CEACAM18: variants seen among roughly 807,000 people sequenced by gnomAD.
CEACAM18 encodes CEA cell adhesion molecule 18.
CEACAM18 carries 33 observed loss-of-function variants against 34.3 expected under a neutral mutation model. That is an observed-to-expected ratio of 0.96 (90% CI 0.73 to 1.29). The LOEUF is 1.29. Ranked by LOEUF, CEACAM18 falls within the 50% of genes most tolerant of loss-of-function variation. CEACAM18 has a pLI of 0.00. For missense variants in CEACAM18, 474 were observed against 485.0 expected (o/e 0.98, Z 0.21); for synonymous variants, 169 against 180.9 (o/e 0.93, Z 0.53).
intron 2 of CEACAM18, 69 bp downstream of exon 2, chr19:51,480,749 CATT>C: frequency 7.2e-7 from 1 of 1,391,858 alleles, no homozygotes; most frequent in East Asian, 2.3e-5. Context: ...GAGAGAAGGA[CATT>C]ATACAGAGCA....
chr19:51,489,081 T>C (rs2122194785), intron 5 of CEACAM18, among the ~76,000 whole-genome samples: 1 of 151,212 alleles, frequency 6.6e-6, no homozygotes, highest in African/African-American at 2.4e-5. Context: ...CAGGGGTTTC[T>C]ATCCTTGTGT....
chr19:51,491,182 A>T (rs1035383894), downstream of CEACAM18, among the ~76,000 whole-genome samples: 2 of 151,500 alleles, frequency 1.3e-5, no homozygotes, highest in Non-Finnish European at 2.9e-5. Context: ...CGTCAGCATG[A>T]TTAGCACATC....
intron 4 of CEACAM18, among the ~76,000 whole-genome samples, chr19:51,484,055 G>T (rs141566245): frequency 6.6e-6 from 1 of 152,136 alleles, no homozygotes; most frequent in Non-Finnish European, 1.5e-5. Flanking sequence ...CAGCTCCATC[G>T]TTCCGAGACT....
At chr19:51,489,594 A>T (rs1990057008) in intron 5 of CEACAM18, among the ~76,000 whole-genome samples, 1 of 152,132 alleles carries the variant, frequency 6.6e-6, no homozygotes, top group African/African-American at 2.4e-5. Context: ...TTAGATATTG[A>T]GCCTATTTAT....
chr19:51,482,574 AG>A (rs2122184288), intron 3 of CEACAM18, among the ~76,000 whole-genome samples: 1 of 152,334 alleles, frequency 6.6e-6, no homozygotes, highest in East Asian at 1.9e-4. Flanking sequence ...AGTTGCTCCC[AG>A]GCCCTGAGAC....
rs8109028 is a variant in CEACAM18, at chr19:51,481,712, G to A, written c.673+47G>A. 1.3e-3 allele frequency: 2,099 copies of A among 1,566,176 alleles called. 25 individuals carry two copies. The African/African-American group carries it at 0.024, about 18-fold the overall frequency. The stretch of plus-strand genomic sequence containing the variant: ...GACTGAAGCCAGGGCTGGTCTCAGG[G>A]CTTTCTAGGGATAGGAATATGTTAG... On this transcript the variant is annotated intron_variant, in intron 3 of 5. Transcript: ENST00000396477.
exon 1 of CEACAM18, chr19:51,478,633 C>T (rs1989851638): frequency 6.4e-7 from 1 of 1,570,414 alleles, no homozygotes; most frequent in Admixed American, 1.8e-5. Context: ...TGGAGGACCC[C>T]AGGCAGCTCA....
rs754306375 is a variant in CEACAM18 at position 51,478,702 on chromosome 19, A to G, written c.52+8A>G. On this transcript the variant is annotated splice_region_variant and intron_variant, in intron 1 of 5. Coordinates refer to ENST00000396477, the Ensembl canonical transcript of CEACAM18. ...GGAGGGTCTTCCTCATGGGTAAGAG[A>G]TGCTGGATGCTGGATGAGCTTCCCA... 9.8e-6 allele frequency: 14 copies of G among 1,432,788 alleles called. No individual in the cohort carries two copies. In the South Asian group the frequency reaches 2.0e-4, roughly 21 times the overall value. 88.8% of individuals were successfully genotyped at this position (1,432,788 alleles called of 1,614,324 possible). A position where few individuals can be genotyped will look rare whatever the true frequency, so the allele number is the denominator to read the frequency against.
chr19:51,485,086 T>C, exon 5 of CEACAM18: 1 of 1,533,492 alleles, frequency 6.5e-7, no homozygotes, highest in East Asian at 2.4e-5. Context: ...ATCTGTGGAG[T>C]CCTGATCCAT....
chr19:51,484,865 G>A, intron 4 of CEACAM18, 122 bp from the exon 5 acceptor site: 2 of 1,233,250 alleles, frequency 1.6e-6, no homozygotes, highest in South Asian at 2.7e-5. Flanking sequence ...CTGGAACAGT[G>A]CTTTGCTGAT....
intron 4 of CEACAM18, 84 bp downstream of exon 4, chr19:51,483,380 C>G: frequency 6.7e-7 from 1 of 1,497,850 alleles, no homozygotes; most frequent in Non-Finnish European, 9.2e-7. Context: ...CTCAGGAGTG[C>G]CACCTCCACT....
intron 3 of CEACAM18, among the ~76,000 whole-genome samples, chr19:51,482,170 T>C (rs565640986): frequency 2.6e-5 from 3 of 114,074 alleles, no homozygotes; most frequent in East Asian, 2.6e-4. Flanking sequence ...CATACATTCT[T>C]TTTTTTTTAT....
intron 5 of CEACAM18, among the ~76,000 whole-genome samples, chr19:51,485,964 T>C (rs1260207283): frequency 1.3e-5 from 2 of 151,838 alleles, no homozygotes; most frequent in Non-Finnish European, 2.9e-5. Context: ...GTCAGTGGAG[T>C]AGATGTTAGA....
At chr19:51,488,721 C>A (rs1055172453) in intron 5 of CEACAM18, among the ~76,000 whole-genome samples, 1 of 152,148 alleles carries the variant, frequency 6.6e-6, no homozygotes, top group Admixed American at 6.5e-5. Context: ...ACAAGGGCTG[C>A]AGAAGGTGCC....
At position 51,478,969 on chromosome 19, in the gene CEACAM18, C is replaced by T. The variant is rs570259922; in HGVS notation, c.52+275C>T. 1.9e-3 allele frequency among the ~76,000 whole-genome samples: 295 copies of T among 151,972 alleles called. 1 individual carries two copies. Among genetic ancestry groups the T allele is most frequent in the African/African-American group, 6.6e-3 (274 of 41,430 alleles). The stretch of plus-strand genomic sequence containing the variant: ...ACACGCACATGCACACACACACACG[C>T]GCGCACACACAGAGAGAGAGAGAGA... On this transcript the variant is annotated intron_variant, in intron 1 of 5. Transcript: ENST00000396477.
chr19:51,484,574 G>A (rs187846534), intron 4 of CEACAM18, among the ~76,000 whole-genome samples: 55 of 152,308 alleles, frequency 3.6e-4, no homozygotes, highest in Non-Finnish European at 5.9e-5. Flanking sequence ...CACCTTGGGC[G>A]AGCTTTCTGT....
intron 3 of CEACAM18, among the ~76,000 whole-genome samples, chr19:51,482,776 CT>C (rs1483639861): frequency 6.6e-6 from 1 of 152,244 alleles, no homozygotes; most frequent in African/African-American, 2.4e-5. Flanking sequence ...CATGTGTTGG[CT>C]TTTACTCCAC....
chr19:51,483,249 G>C, exon 4 of CEACAM18: 1 of 1,614,018 alleles, frequency 6.2e-7, no homozygotes, highest in Non-Finnish European at 8.5e-7. Context: ...AGAACCCCGT[G>C]ACACAGCTGA....
intron 4 of CEACAM18, 189 bp downstream of exon 4, chr19:51,483,485 C>A (rs946888216): frequency 3.0e-6 from 2 of 665,660 alleles, no homozygotes; most frequent in Non-Finnish European, 5.1e-6. Flanking sequence ...CTGGAGTCCT[C>A]AGATCAGAGT....
Sources: allele counts gnomAD v4.1 joint callset (sites outside exome capture counted in the v4.1 genomes callset), GRCh38; gene constraint gnomAD v4.1.1; transcripts MANE v1.5; gene names NCBI Gene and HGNC (gene_info 2026-07-23, HGNC 2026-07-21).